The following BRD10 variants were observed in gnomAD, a reference collection of about 807,000 sequenced individuals.
BRD10 encodes bromodomain containing 10.
chr9:5,882,332 T>C, the BRD10 span, among the ~76,000 whole-genome samples: 1 of 152,284 alleles, frequency 6.6e-6, no homozygotes, highest in South Asian at 2.1e-4. Flanking sequence ...TACCACCCCT[T>C]ACACCCCACC....
At chr9:5,883,603 C>T in the BRD10 span, among the ~76,000 whole-genome samples, 3 of 151,152 alleles carry the variant, frequency 2.0e-5, no homozygotes, top group African/African-American at 7.3e-5. Context: ...GTACCTGTGA[C>T]CACAGGTGCG....
At chr9:5,949,621 T>C in the BRD10 span, among the ~76,000 whole-genome samples, 1 of 152,174 alleles carries the variant, frequency 6.6e-6, no homozygotes, top group Non-Finnish European at 1.5e-5. Flanking sequence ...GCATATGAAA[T>C]GGGAGCAAGG....
chr9:5,972,721 T>C, the BRD10 span, among the ~76,000 whole-genome samples: 3 of 152,196 alleles, frequency 2.0e-5, no homozygotes, highest in Non-Finnish European at 4.4e-5. Context: ...GCTGGCCCCA[T>C]GCTTCCTGTA....
At chr9:5,910,731 T>C in the BRD10 span, 3 of 152,046 alleles carry the variant, frequency 2.0e-5, no homozygotes, top group African/African-American at 7.3e-5. Context: ...ATTAGAAAAG[T>C]GAGATATTTT....
the BRD10 span, chr9:5,922,098 G>T: frequency 2.5e-6 from 4 of 1,613,970 alleles, no homozygotes; most frequent in Non-Finnish European, 3.4e-6. Context: ...GGTGAATTTT[G>T]ATCTGGGTTG....
chr9:5,993,412 G>A, the BRD10 span, among the ~76,000 whole-genome samples: 7 of 151,658 alleles, frequency 4.6e-5, no homozygotes, highest in African/African-American at 1.7e-4. Context: ...TAGCCCTAAG[G>A]GTCCTGGAAA....
the BRD10 span, among the ~76,000 whole-genome samples, chr9:5,881,171 T>G: frequency 6.6e-6 from 1 of 152,184 alleles, no homozygotes; most frequent in South Asian, 2.1e-4. Context: ...GTCTGGGGGC[T>G]ACTTCCGGGT....
the BRD10 span, chr9:5,919,923 G>T: frequency 6.2e-7 from 1 of 1,613,970 alleles, no homozygotes; most frequent in African/African-American, 1.3e-5. Flanking sequence ...GGATTACTGG[G>T]GCAAATGGCA....
the BRD10 span, among the ~76,000 whole-genome samples, chr9:5,927,836 T>C: frequency 2.6e-5 from 4 of 152,142 alleles, no homozygotes; most frequent in African/African-American, 9.7e-5. Flanking sequence ...TCGCTTTTCT[T>C]TTCTTCTCTA....
the BRD10 span, among the ~76,000 whole-genome samples, chr9:5,957,422 T>C: frequency 1.3e-5 from 2 of 152,188 alleles, no homozygotes; most frequent in African/African-American, 4.8e-5. Context: ...ACTGCGCATT[T>C]GTTATTCTAA....
chr9:5,963,734 C>G, the BRD10 span, among the ~76,000 whole-genome samples: 2 of 151,998 alleles, frequency 1.3e-5, no homozygotes, highest in African/African-American at 4.8e-5. Context: ...AGAACAGAGC[C>G]CTCAGAAATA....
the BRD10 span, among the ~76,000 whole-genome samples, chr9:5,900,682 G>T: frequency 6.6e-6 from 1 of 152,016 alleles, no homozygotes; most frequent in Non-Finnish European, 1.5e-5. Flanking sequence ...TTGGAATTTA[G>T]ATCTCTTAAA....
At chr9:5,983,042 T>C in the BRD10 span, among the ~76,000 whole-genome samples, 1 of 152,236 alleles carries the variant, frequency 6.6e-6, no homozygotes, top group Non-Finnish European at 1.5e-5. Flanking sequence ...TGGAACCTGC[T>C]GACACGGAGA....
chr9:5,885,336 A>T, the BRD10 span, among the ~76,000 whole-genome samples: 1 of 151,762 alleles, frequency 6.6e-6, no homozygotes, highest in Non-Finnish European at 1.5e-5. Flanking sequence ...TTCTCAATGA[A>T]CAACTTGCCA....
the BRD10 span, among the ~76,000 whole-genome samples, chr9:5,982,909 C>G: frequency 6.6e-6 from 1 of 152,078 alleles, no homozygotes; most frequent in East Asian, 1.9e-4. Context: ...TTATACAGAA[C>G]AGAAATCTAT....
chr9:5,939,880 C>T, the BRD10 span, among the ~76,000 whole-genome samples: 2 of 152,306 alleles, frequency 1.3e-5, no homozygotes, highest in East Asian at 3.9e-4. Context: ...CTATGACAAT[C>T]AATGTGTCCT....
At chr9:5,996,206 A>G in the BRD10 span, among the ~76,000 whole-genome samples, 2 of 152,190 alleles carry the variant, frequency 1.3e-5, no homozygotes, top group Non-Finnish European at 2.9e-5. Flanking sequence ...TCCAGAGGAG[A>G]AGAATACAAA....
the BRD10 span, among the ~76,000 whole-genome samples, chr9:5,964,359 C>A: frequency 6.6e-6 from 1 of 151,934 alleles, no homozygotes; most frequent in Non-Finnish European, 1.5e-5. Context: ...CAATGAGATA[C>A]CATCTCACAC....
chr9:6,002,909 T>C, the BRD10 span, among the ~76,000 whole-genome samples: 2 of 152,142 alleles, frequency 1.3e-5, no homozygotes, highest in Admixed American at 6.5e-5. Flanking sequence ...AGTCTCAAAC[T>C]CTGGGCCTCA....
Sources: allele counts gnomAD v4.1 joint callset (sites outside exome capture counted in the v4.1 genomes callset), GRCh38; gene constraint gnomAD v4.1.1; transcripts MANE v1.5; gene names NCBI Gene and HGNC (gene_info 2026-07-23, HGNC 2026-07-21).